BIRC6: variants seen among roughly 807,000 people sequenced by gnomAD.
BIRC6 encodes the protein dual E2 ubiquitin-conjugating enzyme/E3 ubiquitin-protein ligase BIRC6.
In BIRC6, 98 loss-of-function variants were observed where a neutral mutation model predicts 503.3. The ratio of observed to expected loss-of-function variants is 0.19; its 90% CI spans 0.17 to 0.23. The LOEUF is 0.23. Among genes scored for constraint, BIRC6 ranks in the 10% least tolerant of loss-of-function variants. BIRC6 has a pLI of 1.00. For missense variants in BIRC6, 5,360 were observed against 5,806.0 expected (o/e 0.92, Z 2.50); for synonymous variants, 2,240 against 2,078.7 (o/e 1.08, Z -2.11).
At position 32,463,252 on chromosome 2, in the gene BIRC6, A is replaced by G. The variant is rs770518640; in HGVS notation, c.4812A>G (p.Glu1604=). ...VGGLSSGTVG[E]ASTALSSAAQ... is the part of the protein sequence containing the mutation. ...GACTATCATCTGGGACAGTTGGGGA[A>G]GCCTCGACAGCCCTGAGTTCAGCAG... is the stretch of plus-strand genomic sequence containing the variant. Residue 1604 remains glutamate, a synonymous_variant, in exon 24 of 74, where the codon GAA becomes GAG. Transcript: ENST00000421745. 6.2e-7 allele frequency: 1 copy of G among 1,613,664 alleles called. No individual in the cohort carries two copies. The highest frequency in any genetic ancestry group is 1.1e-5 in the South Asian group (1 of 90,990).
At chr2:32,396,474 T>C (rs1306462115) in intron 6 of BIRC6, among the ~76,000 whole-genome samples, 2 of 152,228 alleles carry the variant, frequency 1.3e-5, no homozygotes, top group Non-Finnish European at 2.9e-5. Context: ...GCAGTGTACC[T>C]ATGGAGTTCA....
rs1407258691 is a variant in BIRC6 at position 32,578,979 on chromosome 2, AAT to A, written c.13355+3623_13355+3624del. Among the ~76,000 whole-genome samples, 3 of 74,336 alleles carry A rather than the reference AAT, an allele frequency of 4.0e-5. 1 individual carries two copies. The highest frequency in any genetic ancestry group is 1.2e-4 in the African/African-American group (2 of 16,536). 48.8% of individuals were successfully genotyped at this position (74,336 alleles called of 152,430 possible). A position where few individuals can be genotyped will look rare whatever the true frequency, so the allele number is the denominator to read the frequency against. On this transcript the variant is annotated intron_variant, in intron 66 of 73. Transcript: ENST00000421745. ...GTTTACTACTTATTTTTATATACCT[AAT>A]ATATATATACACTTAATATATATAT...
chr2:32,402,397 A>G (rs1202977596), intron 8 of BIRC6, among the ~76,000 whole-genome samples: 1 of 152,174 alleles, frequency 6.6e-6, no homozygotes, highest in African/African-American at 2.4e-5. Flanking sequence ...AATATCTGCC[A>G]TTTCACTTCC....
chr2:32,405,058 T>C (rs981958402), intron 8 of BIRC6, among the ~76,000 whole-genome samples: 2 of 152,230 alleles, frequency 1.3e-5, no homozygotes, highest in African/African-American at 4.8e-5. Context: ...GACACCTGAA[T>C]TCCTTTAAAA....
chr2:32,393,003 CT>C (rs1289122516), intron 5 of BIRC6, among the ~76,000 whole-genome samples: 1 of 152,020 alleles, frequency 6.6e-6, no homozygotes, highest in African/African-American at 2.4e-5. Flanking sequence ...CAAGTATTCT[CT>C]TTTGATGCAT....
intron 46 of BIRC6, 113 bp downstream of exon 46, chr2:32,500,222 G>T: frequency 1.1e-6 from 1 of 945,962 alleles, no homozygotes; most frequent in Non-Finnish European, 1.5e-6. Context: ...ACTGCTTTAA[G>T]CTTTTCATGA....
In BIRC6 at chr2:32,468,638, C is replaced by T; in HGVS notation, c.5982C>T (p.Leu1994=). Residue 1994 remains leucine, a synonymous_variant, in exon 29 of 74, where the codon CTC becomes CTT. Coordinates refer to ENST00000421745, the MANE Select transcript of BIRC6 (RefSeq NM_016252.4). ...TGGCTCATAATGCAGTGCAGAGGCTCAAAGTGGCGCTAGGTGCAAGCCGGA... is the reference window on the plus strand; with the variant it reads ...TGGCTCATAATGCAGTGCAGAGGCTTAAAGTGGCGCTAGGTGCAAGCCGGA... The part of the protein sequence containing the change: ...LNLAHNAVQR[L]KVALGASRKM... 1 of 1,613,980 alleles carries T rather than the reference C, an allele frequency of 6.2e-7. No individual in the cohort carries two copies. Among genetic ancestry groups the T allele is most frequent in the Non-Finnish European group, 8.5e-7 (1 of 1,179,862 alleles).
At chr2:32,532,993 T>C (rs2056908711) in intron 61 of BIRC6, among the ~76,000 whole-genome samples, 1 of 152,058 alleles carries the variant, frequency 6.6e-6, no homozygotes. Context: ...AAAAAAAATC[T>C]AGATTACCTT....
At chr2:32,481,219 G>T in intron 37 of BIRC6, 101 bp from the exon 38 acceptor site, 14 of 1,011,856 alleles carry the variant, frequency 1.4e-5, no homozygotes, top group South Asian at 4.9e-5. Context: ...TTAGGCATAT[G>T]TAACATGCAA....
chr2:32,369,745 G>A (rs998621481), intron 1 of BIRC6, among the ~76,000 whole-genome samples: 3 of 150,806 alleles, frequency 2.0e-5, no homozygotes, highest in Non-Finnish European at 4.4e-5. Context: ...TTTACAGACG[G>A]TTAAGGGTTC....
In BIRC6 at chr2:32,541,338, G is replaced by A. The variant is rs564493708; in HGVS notation, c.12292-1903G>A. Among the ~76,000 whole-genome samples the A allele has an allele frequency of 6.6e-5, 10 of 152,216 alleles. No homozygotes were observed. The South Asian group carries it at 2.1e-3, about 32-fold the overall frequency. ...TGTCATTCTGGCCTAAGCTTCAGTA[G>A]TGAAAATAAGCTGGCATCAAAATTG... On this transcript the variant is annotated intron_variant, in intron 61 of 73. Coordinates refer to ENST00000421745, the MANE Select transcript of BIRC6 (RefSeq NM_016252.4).
At chr2:32,519,034 T>C in intron 57 of BIRC6, 88 bp downstream of exon 57, 2 of 1,321,748 alleles carry the variant, frequency 1.5e-6, no homozygotes, top group Non-Finnish European at 2.1e-6. Flanking sequence ...ATTTTCTGCA[T>C]CCACTTTGCA....
intron 10 of BIRC6, 40 bp downstream of exon 10, chr2:32,416,203 T>G: frequency 6.6e-7 from 1 of 1,515,658 alleles, no homozygotes; most frequent in Non-Finnish European, 8.9e-7. Context: ...ATAAAATCCA[T>G]GTATATATGG....
In BIRC6 at chr2:32,483,054, A is replaced by G. The variant is rs565356371; in HGVS notation, c.7696+472A>G. ...TGCCTCAGCCTCTTGAGTAGCTGGG[A>G]GTATAGGTGCATGCCACCAAGCCCA... On this transcript the variant is annotated intron_variant, in intron 39 of 73. Transcript: ENST00000421745. Among the ~76,000 whole-genome samples the G allele has an allele frequency of 2.0e-5, 3 of 151,110 alleles. No individual in the cohort carries two copies. The South Asian group carries it at 6.3e-4, about 32-fold the overall frequency.
intron 12 of BIRC6, among the ~76,000 whole-genome samples, chr2:32,431,875 G>A (rs2044161943): frequency 6.6e-6 from 1 of 152,178 alleles, no homozygotes; most frequent in Non-Finnish European, 1.5e-5. Context: ...TATGAAGAAT[G>A]TTAAAACAGA....
chr2:32,562,946 GTTTA>G (rs1401125506), intron 65 of BIRC6, among the ~76,000 whole-genome samples: 1 of 152,088 alleles, frequency 6.6e-6, no homozygotes, highest in Non-Finnish European at 1.5e-5. Flanking sequence ...TGATCTATTT[GTTTA>G]TTCTTTCGTG....
At position 32,549,435 on chromosome 2, in the gene BIRC6, G is replaced by T. The variant is rs1380421004; in HGVS notation, c.13098G>T (p.Gln4366His). The change falls in exon 65 of 74, where the codon CAG (glutamine) becomes CAT (histidine). Residue 4366 changes from glutamine to histidine, a missense_variant. Physicochemically the swap from Gln to His is conservative, Grantham distance 24 (BLOSUM62 0). This residue lies in a region of BIRC6 where 477 missense variants were observed against 574.4 expected (regional missense o/e 0.83). Coordinates refer to ENST00000421745, the MANE Select transcript of BIRC6 (RefSeq NM_016252.4). ...CTGTACTTCTCGAGCTTCTCAGTCA[G>T]TCCTGCCTCATCCCAGCCATGTCAT... Reference protein sequence around the residue: ...LPSVLLELLSQSCLIPAMSSY... With the variant: ...LPSVLLELLSHSCLIPAMSSY... 1 of 1,484,216 alleles carries T rather than the reference G, an allele frequency of 6.7e-7. No homozygotes were observed. Among genetic ancestry groups the T allele is most frequent in the Non-Finnish European group, 9.1e-7 (1 of 1,094,802 alleles). 91.9% of individuals were successfully genotyped at this position (1,484,216 alleles called of 1,614,324 possible).
chr2:32,372,283 C>G (rs975248793), intron 1 of BIRC6, among the ~76,000 whole-genome samples: 4 of 152,122 alleles, frequency 2.6e-5, no homozygotes, highest in Non-Finnish European at 5.9e-5. Context: ...CCTGTGGTAT[C>G]ACTTTGTAGT....
chr2:32,568,842 C>T (rs1182388908), intron 65 of BIRC6, among the ~76,000 whole-genome samples: 1 of 149,156 alleles, frequency 6.7e-6, no homozygotes, highest in Non-Finnish European at 1.5e-5. Flanking sequence ...GAAACTCAGT[C>T]TCAAAAAAAA....
Sources: gnomAD v4.1 joint callset for allele counts (sites outside exome capture counted in the v4.1 genomes callset) on GRCh38, gnomAD v4.1.1 for gene constraint, gnomAD v4.1.1 regional missense constraint, MANE v1.5 for transcripts, NCBI Gene and HGNC (gene_info 2026-07-23, HGNC 2026-07-21) for gene names.